The following FGD4 variants were observed in gnomAD, a reference collection of about 807,000 sequenced individuals.
FGD4 encodes the protein FYVE, RhoGEF and PH domain-containing protein 4.
Under a neutral mutation model 102.0 loss-of-function variants are expected in FGD4, and 42 were observed. That is an observed-to-expected ratio of 0.41 (90% CI 0.32 to 0.53). The LOEUF (loss-of-function observed/expected upper bound fraction) is 0.53. FGD4 is among the 20% of genes least tolerant of loss of function. The pLI is 0.21. For synonymous variants in FGD4, 380 were observed against 375.7 expected, an observed-to-expected ratio of 1.01 and a Z score of -0.13; for missense variants, 902 against 1,078.2, an observed-to-expected ratio of 0.84 and a Z score of 2.29.
intron 1 of FGD4, among the ~76,000 whole-genome samples, chr12:32,409,253 A>G (rs1941091593): frequency 6.6e-6 from 1 of 151,034 alleles, no homozygotes; most frequent in Admixed American, 6.6e-5. Context: ...TTCATTCTAT[A>G]TAACTCTTTC....
chr12:32,563,987 CGTG>C, intron 1 of FGD4, 147 bp from the exon 2 acceptor site: 1 of 735,842 alleles, frequency 1.4e-6, no homozygotes, highest in Admixed American at 3.9e-5. Context: ...AGAGGGAGAC[CGTG>C]GAAAGAGAGG....
chr12:32,423,358 G>A (rs1466434717), intron 1 of FGD4, among the ~76,000 whole-genome samples: 3 of 152,002 alleles, frequency 2.0e-5, no homozygotes, highest in Non-Finnish European at 2.9e-5. Context: ...TTGGGAGGCC[G>A]AGGCGGGCAG....
intron 2 of FGD4, 126 bp from the exon 3 acceptor site, chr12:32,576,140 A>G (rs1210355313): frequency 2.1e-6 from 2 of 955,878 alleles, no homozygotes; most frequent in Non-Finnish European, 3.1e-6. Flanking sequence ...TTAGTTCAAA[A>G]TTTGACACCT....
chr12:32,531,632 G>A (rs1212143568), intron 1 of FGD4, among the ~76,000 whole-genome samples: 1 of 152,178 alleles, frequency 6.6e-6, no homozygotes, highest in Non-Finnish European at 1.5e-5. Flanking sequence ...TGTGTGGTAT[G>A]CCATTGTGTG....
intron 1 of FGD4, among the ~76,000 whole-genome samples, chr12:32,518,420 G>C (rs1451006780): frequency 1.3e-5 from 2 of 152,156 alleles, no homozygotes; most frequent in East Asian, 3.9e-4. Context: ...GGAGGTTGTG[G>C]TGAGCCAACA....
At position 32,570,309 on chromosome 12, in the gene FGD4, G is replaced by A. The variant is rs112681557; in HGVS notation, c.320-5957G>A. ...ATCTGATTTGACTGAAATGGTGTCA[G>A]CTTATGGATTTAATTTGTATTTCCC... On this transcript the variant is annotated intron_variant, in intron 2 of 16. Transcript: ENST00000534526. Among the ~76,000 whole-genome samples the A allele has an allele frequency of 6.8e-3, 1,033 of 151,052 alleles. 19 individuals carry two copies. The highest frequency in any genetic ancestry group is 0.024 in the African/African-American group (976 of 41,138).
intron 1 of FGD4, among the ~76,000 whole-genome samples, chr12:32,529,765 C>T (rs1565808100): frequency 6.6e-6 from 1 of 150,670 alleles, no homozygotes; most frequent in East Asian, 2.0e-4. Context: ...ATCACTTGAA[C>T]CTGGGAGGCG....
chr12:32,603,718 T>A (rs1357798280), intron 7 of FGD4, among the ~76,000 whole-genome samples: 1 of 151,110 alleles, frequency 6.6e-6, no homozygotes, highest in Non-Finnish European at 1.5e-5. Context: ...TTTTTTTTTT[T>A]AGAGACAGGG....
chr12:32,627,068 G>C (rs931739029), intron 14 of FGD4, among the ~76,000 whole-genome samples: 2 of 152,042 alleles, frequency 1.3e-5, no homozygotes, highest in Non-Finnish European at 2.9e-5. Context: ...GGCTGGTCTT[G>C]AACTCCCGAC....
chr12:32,598,909 A>G (rs1948123184), intron 5 of FGD4, among the ~76,000 whole-genome samples: 1 of 152,190 alleles, frequency 6.6e-6, no homozygotes, highest in Non-Finnish European at 1.5e-5. Flanking sequence ...AATCTAAATA[A>G]GATATTGATG....
intron 1 of FGD4, among the ~76,000 whole-genome samples, chr12:32,525,507 G>T (rs1384545684): frequency 1.3e-5 from 2 of 152,256 alleles, no homozygotes; most frequent in Non-Finnish European, 2.9e-5. Flanking sequence ...GTGACAGCGT[G>T]CTGGCAGTCC....
intron 5 of FGD4, 85 bp downstream of exon 5, chr12:32,598,671 A>C (rs1487665732): frequency 8.6e-7 from 1 of 1,157,388 alleles, no homozygotes; most frequent in Non-Finnish European, 1.3e-6. Context: ...TAGAAACTGC[A>C]TGAAGGAAGG....
At chr12:32,438,167 T>C (rs976680578) in intron 1 of FGD4, among the ~76,000 whole-genome samples, 17 of 152,196 alleles carry the variant, frequency 1.1e-4, no homozygotes, top group African/African-American at 3.6e-4. Flanking sequence ...GCTGGGATTA[T>C]AGGCGTGAGC....
chr12:32,405,510 C>T (rs1940897857), intron 1 of FGD4, among the ~76,000 whole-genome samples: 1 of 152,044 alleles, frequency 6.6e-6, no homozygotes, highest in African/African-American at 2.4e-5. Flanking sequence ...CCACCCGCCT[C>T]GGCCTCCCAA....
At chr12:32,591,922 A>G (rs575066466) in intron 4 of FGD4, among the ~76,000 whole-genome samples, 11 of 152,292 alleles carry the variant, frequency 7.2e-5, no homozygotes, top group African/African-American at 2.6e-4. Context: ...AGGAAAGTTA[A>G]TTGCATACTC....
intron 11 of FGD4, among the ~76,000 whole-genome samples, chr12:32,620,127 G>T (rs913179430): frequency 6.6e-6 from 1 of 152,030 alleles, no homozygotes; most frequent in African/African-American, 2.4e-5. Flanking sequence ...AGAAATACAG[G>T]GTACTCAGAG....
rs370230063 is a variant in FGD4 at position 32,640,293 on chromosome 12, C to T, written c.2472C>T (p.Ala824=). The T allele has an allele frequency of 6.2e-7, 1 of 1,614,204 alleles. No individual in the cohort carries two copies. The highest frequency in any genetic ancestry group is 1.3e-5 in the African/African-American group (1 of 75,056). ...TTCTTTAGGACGTCAGAGCCCAGGCCACCATTCCACTTCTGGGCTATGTGG... is the reference window on the plus strand; with the variant it reads ...TTCTTTAGGACGTCAGAGCCCAGGCTACCATTCCACTTCTGGGCTATGTGG... ...YGAPQDVRAQ[A]TIPLLGYVVD... is the part of the protein sequence containing the mutation. The change falls in exon 17 of 17, where the codon GCC becomes GCT. Residue 824 remains alanine, a synonymous_variant. Transcript: ENST00000534526.
intron 1 of FGD4, among the ~76,000 whole-genome samples, chr12:32,429,231 T>A (rs1380599834): frequency 6.6e-6 from 1 of 152,212 alleles, no homozygotes; most frequent in African/African-American, 2.4e-5. Context: ...TTTTTGTTGA[T>A]GTTGATGCTA....
intron 14 of FGD4, among the ~76,000 whole-genome samples, chr12:32,633,062 T>A (rs1950585558): frequency 6.6e-6 from 1 of 152,094 alleles, no homozygotes; most frequent in East Asian, 1.9e-4. Flanking sequence ...AAGAAATATT[T>A]AGGAAGTAAA....
Sources: gnomAD v4.1 joint callset for allele counts (sites outside exome capture counted in the v4.1 genomes callset) on GRCh38, gnomAD v4.1.1 for gene constraint, MANE v1.5 for transcripts, NCBI Gene and HGNC (gene_info 2026-07-23, HGNC 2026-07-21) for gene names.